The following ABCC4 variants were observed in gnomAD, a reference collection of about 807,000 sequenced individuals.
ABCC4 encodes the protein ATP-binding cassette sub-family C member 4.
ABCC4 carries 102 observed loss-of-function variants against 168.5 expected under a neutral mutation model. The ratio of observed to expected loss-of-function variants is 0.61; its 90% CI spans 0.52 to 0.71. The LOEUF (loss-of-function observed/expected upper bound fraction) is 0.71. Among genes scored for constraint, ABCC4 ranks in the 30% least tolerant of loss-of-function variants. The pLI, the probability that ABCC4 is intolerant of heterozygous loss-of-function variation, is 0.00. For missense variants in ABCC4, 1,402 were observed against 1,605.8 expected (o/e 0.87, Z 2.17); for synonymous variants, 617 against 590.7 (o/e 1.04, Z -0.65).
intron 8 of ABCC4, among the ~76,000 whole-genome samples, chr13:95,202,405 G>A (rs921635252): frequency 9.2e-5 from 14 of 152,114 alleles, no homozygotes; most frequent in Non-Finnish European, 1.0e-4. Flanking sequence ...GACTAATACA[G>A]ACGGTTTTCT....
At chr13:95,284,585 C>T (rs568722055) in intron 1 of ABCC4, among the ~76,000 whole-genome samples, 3 of 152,218 alleles carry the variant, frequency 2.0e-5, no homozygotes, top group African/African-American at 7.2e-5. Flanking sequence ...AGCAGCTACA[C>T]AGATGACACG....
intron 19 of ABCC4, among the ~76,000 whole-genome samples, chr13:95,120,303 A>C (rs566892781): frequency 2.0e-5 from 3 of 152,178 alleles, no homozygotes; most frequent in Non-Finnish European, 4.4e-5. Flanking sequence ...GCGGTGGCTC[A>C]TGCCTATAAT....
At chr13:95,204,560 T>A (rs2038727195) in intron 8 of ABCC4, among the ~76,000 whole-genome samples, 1 of 152,176 alleles carries the variant, frequency 6.6e-6, no homozygotes, top group Admixed American at 6.5e-5. Flanking sequence ...AGAAAGTGCC[T>A]GCTTCCCCTT....
Position 95,237,149 on chromosome 13 carries a change from C to T in ABCC4, c.307-2315G>A, listed in dbSNP as rs913901474. ...GAAATAACAGATGCAATAAACCCAGCGAAAGAGAATGCAAAAGGCAGGTAG... is the reference window on the plus strand; with the variant it reads ...GAAATAACAGATGCAATAAACCCAGTGAAAGAGAATGCAAAAGGCAGGTAG... On this transcript the variant is annotated intron_variant, in intron 3 of 30. Coordinates refer to ENST00000645237, the MANE Select transcript of ABCC4 (RefSeq NM_005845.5). Among the ~76,000 whole-genome samples, 6 of 152,218 alleles carry T rather than the reference C, an allele frequency of 3.9e-5. No individual in the cohort carries two copies. The East Asian group carries it at 9.7e-4, about 24-fold the overall frequency.
chr13:95,301,263 G>A lies in ABCC4; in HGVS notation c.52C>T (p.Leu18Phe), dbSNP rs11568681. 1 of 1,595,664 alleles carries A rather than the reference G, an allele frequency of 6.3e-7. No individual in the cohort carries two copies. The highest frequency in any genetic ancestry group is 1.7e-5 in the Admixed American group (1 of 58,146). The change falls in exon 1 of 31, where the codon CTC becomes TTC. Residue 18 changes from leucine to phenylalanine, a missense_variant. Coordinates refer to ENST00000645237, the MANE Select transcript of ABCC4 (RefSeq NM_005845.5). ...VKPNPLQDAN[L>F]CSRVFFWWLN... ...CACCAGAAGAACACGCGTGAGCAGA[G>A]GTTCGCGTCCTGCAGCGGGTTGGGC...
At chr13:95,050,476 T>C (rs1293300352) in intron 27 of ABCC4, among the ~76,000 whole-genome samples, 1 of 152,198 alleles carries the variant, frequency 6.6e-6, no homozygotes, top group African/African-American at 2.4e-5. Flanking sequence ...CTTTGTCTCA[T>C]TACCCCCAAA....
intron 1 of ABCC4, among the ~76,000 whole-genome samples, chr13:95,248,516 G>A (rs966824066): frequency 6.7e-6 from 1 of 149,548 alleles, no homozygotes; most frequent in Admixed American, 6.6e-5. Flanking sequence ...TAAAAAAAAA[G>A]AAAAATCAAA....
intron 23 of ABCC4, 93 bp downstream of exon 23, chr13:95,074,121 G>T: frequency 1.1e-6 from 1 of 932,628 alleles, no homozygotes; most frequent in Non-Finnish European, 1.6e-6. Context: ...CAAACAGTAT[G>T]TAGTAGTAGA....
intron 22 of ABCC4, chr13:95,075,162 C>T (rs1375164731): frequency 2.0e-5 from 8 of 405,766 alleles, no homozygotes; most frequent in South Asian, 3.7e-5. Flanking sequence ...TTGCAGAAAA[C>T]GTTTGCTGAC....
At chr13:95,203,455 G>GAGGAGCTGGGATTACAGGCGTGTAGCTC (rs1261929540) in intron 8 of ABCC4, among the ~76,000 whole-genome samples, 6 of 151,158 alleles carry the variant, frequency 4.0e-5, no homozygotes, top group African/African-American at 9.7e-5. Flanking sequence ...TGAGCCTCCT[G>GAGGAGCTGGGATTACAGGCGTGTAGCTC]AGGAGCTGGG....
At chr13:95,122,465 T>C (rs2035604288) in intron 19 of ABCC4, among the ~76,000 whole-genome samples, 1 of 152,244 alleles carries the variant, frequency 6.6e-6, no homozygotes, top group African/African-American at 2.4e-5. Flanking sequence ...ATGTCTTTAC[T>C]TTTCATTTAA....
chr13:95,229,055 T>C (rs2039546618), intron 4 of ABCC4, among the ~76,000 whole-genome samples: 1 of 152,160 alleles, frequency 6.6e-6, no homozygotes, highest in Non-Finnish European at 1.5e-5. Context: ...GGAGTATCCA[T>C]ATTCCCTGCA....
intron 1 of ABCC4, among the ~76,000 whole-genome samples, chr13:95,273,817 T>TTTG (rs1491124388): frequency 0.091 from 10,813 of 118,854 alleles, 569 homozygotes; most frequent in African/African-American, 0.12. Flanking sequence ...TTTTGGTTTG[T>TTTG]TTTTTTTTTT....
At chr13:95,176,088 T>C (rs902061667) in intron 13 of ABCC4, among the ~76,000 whole-genome samples, 4 of 151,930 alleles carry the variant, frequency 2.6e-5, no homozygotes, top group African/African-American at 9.7e-5. Context: ...GACCACAGGC[T>C]ACTTCCAGCC....
At chr13:95,138,581 T>C (rs2036212005) in intron 19 of ABCC4, among the ~76,000 whole-genome samples, 1 of 152,096 alleles carries the variant, frequency 6.6e-6, no homozygotes, top group South Asian at 2.1e-4. Flanking sequence ...CTCAGCACTT[T>C]ATGAGGCCCA....
intron 19 of ABCC4, among the ~76,000 whole-genome samples, chr13:95,128,609 G>T (rs1033544536): frequency 1.3e-5 from 2 of 152,126 alleles, no homozygotes; most frequent in Non-Finnish European, 2.9e-5. Flanking sequence ...TATTCACTCT[G>T]AGCAGGGAAA....
chr13:95,030,163 A>G (rs1381743395), intron 30 of ABCC4, among the ~76,000 whole-genome samples: 2 of 152,200 alleles, frequency 1.3e-5, no homozygotes, highest in East Asian at 1.9e-4. Flanking sequence ...TGAGATTACA[A>G]GCATGCGCCA....
In ABCC4 at chr13:95,237,784, T is replaced by C. The variant is rs559556724; in HGVS notation, c.307-2950A>G. Among the ~76,000 whole-genome samples the C allele has an allele frequency of 4.0e-5, 6 of 151,836 alleles. No homozygotes were observed. The East Asian group carries it at 1.2e-3, about 29-fold the overall frequency. On this transcript the variant is annotated intron_variant, in intron 3 of 30. Coordinates refer to ENST00000645237, the MANE Select transcript of ABCC4 (RefSeq NM_005845.5). ...CCCAACTGCACCATACCAGATTGCA[T>C]GGGAAGGAAAGAAAACACAGGAAAT...
At chr13:95,146,320 G>C (rs1284520825) in intron 19 of ABCC4, among the ~76,000 whole-genome samples, 1 of 152,046 alleles carries the variant, frequency 6.6e-6, no homozygotes, top group Non-Finnish European at 1.5e-5. Flanking sequence ...CATTACCTGG[G>C]TGACAAAATA....
Sources: gnomAD v4.1 joint callset for allele counts (sites outside exome capture counted in the v4.1 genomes callset) on GRCh38, gnomAD v4.1.1 for gene constraint, MANE v1.5 for transcripts, NCBI Gene and HGNC (gene_info 2026-07-23, HGNC 2026-07-21) for gene names.